The following LSAMP variants were observed in gnomAD, a reference collection of about 807,000 sequenced individuals.
The protein encoded by LSAMP is limbic system associated membrane protein.
In LSAMP, 7 loss-of-function variants were observed where a neutral mutation model predicts 38.6. The observed-to-expected ratio is 0.18, with a 90% CI of 0.10 to 0.34. LSAMP has a LOEUF of 0.34. Among genes scored for constraint, LSAMP ranks in the 10% least tolerant of loss-of-function variants. LSAMP has a pLI of 1.00. For missense variants in LSAMP, 313 were observed against 420.0 expected, an observed-to-expected ratio of 0.75 and a Z score of 2.23; for synonymous variants, 154 against 166.8, an observed-to-expected ratio of 0.92 and a Z score of 0.59.
chr3:115,982,457 T>C (rs1166463893), intron 3 of LSAMP, among the ~76,000 whole-genome samples: 1 of 152,192 alleles, frequency 6.6e-6, no homozygotes, highest in African/African-American at 2.4e-5. Flanking sequence ...TATTTACTTG[T>C]TTATTTTAAA....
chr3:115,861,909 T>C (rs11720034), intron 3 of LSAMP, among the ~76,000 whole-genome samples: 29,433 of 152,056 alleles, frequency 0.19, 3,643 homozygotes, highest in African/African-American at 0.33. Flanking sequence ...AGGATGTAGC[T>C]CCTAAAGCCA....
At chr3:115,890,932 T>C (rs1440561187) in intron 3 of LSAMP, among the ~76,000 whole-genome samples, 3 of 151,916 alleles carry the variant, frequency 2.0e-5, no homozygotes, top group Admixed American at 2.0e-4. Context: ...TTCAGTATCC[T>C]GTAAAAATAC....
At chr3:115,907,587 T>C (rs908469824) in intron 3 of LSAMP, among the ~76,000 whole-genome samples, 1 of 152,160 alleles carries the variant, frequency 6.6e-6, no homozygotes, top group African/African-American at 2.4e-5. Flanking sequence ...GATATTCATC[T>C]CCTGACTTTG....
At chr3:116,224,788 G>T (rs2046324778) in intron 1 of LSAMP, among the ~76,000 whole-genome samples, 2 of 152,176 alleles carry the variant, frequency 1.3e-5, no homozygotes, top group South Asian at 4.1e-4. Flanking sequence ...AGCAACACTT[G>T]TGAGGTCATG....
chr3:116,317,863 C>T (rs2047653768), intron 1 of LSAMP, among the ~76,000 whole-genome samples: 4 of 150,968 alleles, frequency 2.6e-5, no homozygotes, highest in East Asian at 2.0e-4. Flanking sequence ...AGGCCGGGCG[C>T]GGTGGCTCAC....
intron 1 of LSAMP, among the ~76,000 whole-genome samples, chr3:116,255,735 T>G (rs1217483185): frequency 6.6e-6 from 1 of 152,188 alleles, no homozygotes; most frequent in Non-Finnish European, 1.5e-5. Flanking sequence ...GGGGAAGGGC[T>G]GAGCTTCTAT....
intron 1 of LSAMP, among the ~76,000 whole-genome samples, chr3:116,150,827 AACT>A (rs1211482257): frequency 2.0e-5 from 3 of 152,088 alleles, no homozygotes; most frequent in African/African-American, 7.2e-5. Flanking sequence ...GCATAATAAA[AACT>A]ACTAATTTAG....
At chr3:116,201,133 C>T (rs1031127809) in intron 1 of LSAMP, among the ~76,000 whole-genome samples, 6 of 152,180 alleles carry the variant, frequency 3.9e-5, no homozygotes, top group Non-Finnish European at 8.8e-5. Flanking sequence ...TCCCTCCCCG[C>T]TGTACCTCCT....
chr3:116,097,533 CAATT>C (rs1559741178), intron 1 of LSAMP, among the ~76,000 whole-genome samples: 2 of 152,090 alleles, frequency 1.3e-5, no homozygotes, highest in Non-Finnish European at 2.9e-5. Context: ...CAAGACATGA[CAATT>C]AATAGATACA....
At chr3:116,398,656 A>G (rs186724701) in intron 1 of LSAMP, among the ~76,000 whole-genome samples, 30 of 152,348 alleles carry the variant, frequency 2.0e-4, no homozygotes, top group Admixed American at 1.9e-3. Context: ...AGGAATATTC[A>G]GCTTCTAATT....
chr3:115,902,066 TAAA>T (rs1477000627), intron 3 of LSAMP, among the ~76,000 whole-genome samples: 26 of 151,928 alleles, frequency 1.7e-4, no homozygotes, highest in African/African-American at 6.0e-4. Context: ...GGAACAATAA[TAAA>T]AACATACAAA....
chr3:116,033,498 G>A (rs1404537773), intron 2 of LSAMP, among the ~76,000 whole-genome samples: 2 of 152,060 alleles, frequency 1.3e-5, no homozygotes, highest in East Asian at 1.9e-4. Flanking sequence ...GGAAACAAAC[G>A]CTGCCTATAG....
chr3:116,048,954 G>C (rs1487843918), intron 2 of LSAMP, among the ~76,000 whole-genome samples: 1 of 152,218 alleles, frequency 6.6e-6, no homozygotes, highest in Middle Eastern at 3.2e-3. Flanking sequence ...TGGAGTTGAA[G>C]AGGTGAAAGA....
chr3:116,231,806 G>T (rs2046405232), intron 1 of LSAMP, among the ~76,000 whole-genome samples: 1 of 152,190 alleles, frequency 6.6e-6, no homozygotes, highest in Non-Finnish European at 1.5e-5. Context: ...TTCCTCGGCA[G>T]CTCAGAACTT....
intron 1 of LSAMP, among the ~76,000 whole-genome samples, chr3:116,354,478 T>C (rs573287586): frequency 6.6e-6 from 1 of 152,160 alleles, no homozygotes; most frequent in African/African-American, 2.4e-5. Context: ...CTTTGTTGAA[T>C]TTGCAGAATC....
At chr3:115,952,311 C>T (rs1938318061) in intron 3 of LSAMP, among the ~76,000 whole-genome samples, 1 of 152,126 alleles carries the variant, frequency 6.6e-6, no homozygotes, top group African/African-American at 2.4e-5. Context: ...AATATGGAAC[C>T]AGCCTAAATG....
chr3:116,223,897 T>A (rs1222422026), intron 1 of LSAMP, among the ~76,000 whole-genome samples: 2 of 152,200 alleles, frequency 1.3e-5, no homozygotes, highest in African/African-American at 4.8e-5. Context: ...AAATTGCTGA[T>A]ACTTTCACAG....
chr3:115,959,059 A>G (rs1157615540), intron 3 of LSAMP, among the ~76,000 whole-genome samples: 1 of 152,182 alleles, frequency 6.6e-6, no homozygotes, highest in Non-Finnish European at 1.5e-5. Context: ...TTAGGACACA[A>G]ATTATAGATT....
At position 116,357,854 on chromosome 3, in the gene LSAMP, G is replaced by C. The variant is rs567036939; in HGVS notation, c.155+87023C>G. 4.6e-5 allele frequency among the ~76,000 whole-genome samples: 7 copies of C among 151,410 alleles called. No individual in the cohort carries two copies. In the South Asian group the frequency reaches 6.2e-4, roughly 13 times the overall value. ...GAAAGCAACAGAAAATCTTCCCTGG[G>C]GCTTACATAAGGAAAACAATAAAAC... On this transcript the variant is annotated intron_variant, in intron 1 of 6. Transcript: ENST00000490035.
Sources: allele counts gnomAD v4.1 joint callset (sites outside exome capture counted in the v4.1 genomes callset), GRCh38; gene constraint gnomAD v4.1.1; transcripts MANE v1.5; gene names NCBI Gene and HGNC (gene_info 2026-07-23, HGNC 2026-07-21).